Variants in CSMD1 observed in about 807,000 individuals in gnomAD.
CSMD1 encodes CUB and sushi domain-containing protein 1.
Under a neutral mutation model 417.5 loss-of-function variants are expected in CSMD1, and 213 were observed. The ratio of observed to expected loss-of-function variants is 0.51; its 90% confidence interval spans 0.46 to 0.57. The LOEUF is 0.57. Among genes scored for constraint, CSMD1 ranks in the 20% least tolerant of loss-of-function variants. CSMD1 has a pLI of 0.00. For synonymous variants in CSMD1, 2,862 were observed against 1,736.8 expected, an observed-to-expected ratio of 1.65 and a Z score of -16.11; for missense variants, 6,923 against 4,529.7, an observed-to-expected ratio of 1.53 and a Z score of -15.17.
intron 21 of CSMD1, among the ~76,000 whole-genome samples, chr8:3,358,790 C>T (rs1563308005): frequency 6.6e-6 from 1 of 152,116 alleles, no homozygotes; most frequent in Non-Finnish European, 1.5e-5. Context: ...ATGCAATTGT[C>T]AGAGGTTGTG....
chr8:3,599,470 G>A (rs925274587), intron 8 of CSMD1, among the ~76,000 whole-genome samples: 13 of 151,832 alleles, frequency 8.6e-5, no homozygotes, highest in African/African-American at 2.2e-4. Flanking sequence ...TAACCACAAC[G>A]CAGCATTAGT....
At chr8:3,179,910 T>A (rs1821209386) in intron 37 of CSMD1, among the ~76,000 whole-genome samples, 1 of 152,190 alleles carries the variant, frequency 6.6e-6, no homozygotes, top group African/African-American at 2.4e-5. Context: ...GCAGGAAAAT[T>A]TAACCAGAAT....
chr8:3,101,526 C>T (rs1352207063), intron 46 of CSMD1, among the ~76,000 whole-genome samples: 1 of 151,354 alleles, frequency 6.6e-6, no homozygotes, highest in Non-Finnish European at 1.5e-5. Flanking sequence ...GGGTTCACAC[C>T]ATTCTCCTGC....
At chr8:4,855,141 C>T (rs1475144008) in intron 1 of CSMD1, among the ~76,000 whole-genome samples, 1 of 151,352 alleles carries the variant, frequency 6.6e-6, no homozygotes, top group Non-Finnish European at 1.5e-5. Context: ...GAGGCACCCC[C>T]CAGCAGGGGC....
chr8:3,521,114 T>C (rs543576972), intron 10 of CSMD1, among the ~76,000 whole-genome samples: 5 of 152,288 alleles, frequency 3.3e-5, no homozygotes, highest in Admixed American at 6.5e-5. Context: ...TCCCACTTTC[T>C]ACCAGTCACC....
rs902185950 is a variant in CSMD1, at chr8:2,971,492, C to T, written c.8923+1625G>A. 5.3e-5 allele frequency among the ~76,000 whole-genome samples: 8 copies of T among 152,274 alleles called. No homozygotes were observed. The East Asian group carries it at 1.4e-3, about 26-fold the overall frequency. ...CTGCTTCAGGACTCGATTCAGGTTA[C>T]GCATTTCACTGGCAATACCATAGAA... is the stretch of plus-strand genomic sequence containing the variant. On this transcript the variant is annotated intron_variant, in intron 57 of 69. Coordinates refer to ENST00000635120, the MANE Select transcript of CSMD1 (RefSeq NM_033225.6).
At chr8:3,832,742 G>A (rs1294587196) in intron 5 of CSMD1, among the ~76,000 whole-genome samples, 1 of 152,084 alleles carries the variant, frequency 6.6e-6, no homozygotes, top group African/African-American at 2.4e-5. Context: ...GATGACTTCT[G>A]ATAACTAAAA....
chr8:3,825,314 G>A (rs778367667), intron 5 of CSMD1, among the ~76,000 whole-genome samples: 41 of 152,268 alleles, frequency 2.7e-4, no homozygotes, highest in Admixed American at 7.8e-4. Flanking sequence ...TGGATCGCTG[G>A]ATGTCAGGAG....
chr8:3,846,848 TATATTTAGTGC>T (rs1030664198), intron 5 of CSMD1, among the ~76,000 whole-genome samples: 3 of 152,100 alleles, frequency 2.0e-5, no homozygotes, highest in African/African-American at 7.2e-5. Context: ...TAATTTTTTG[TATATTTAGTGC>T]AGACAGGGTT....
chr8:3,665,955 G>A (rs1798670044), intron 7 of CSMD1, among the ~76,000 whole-genome samples: 1 of 152,082 alleles, frequency 6.6e-6, no homozygotes, highest in Non-Finnish European at 1.5e-5. Flanking sequence ...TCAGCTCACT[G>A]CAACCTCCAC....
chr8:3,185,468 T>C (rs921097714), intron 36 of CSMD1, among the ~76,000 whole-genome samples: 2 of 152,206 alleles, frequency 1.3e-5, no homozygotes, highest in Non-Finnish European at 2.9e-5. Context: ...AATGCCTGCA[T>C]TTGTGTGTAA....
intron 3 of CSMD1, among the ~76,000 whole-genome samples, chr8:4,387,644 A>G (rs760408231): frequency 6.6e-5 from 10 of 151,208 alleles, no homozygotes; most frequent in Non-Finnish European, 1.3e-4. Flanking sequence ...ACCATTTACA[A>G]TAATTAAAAA....
At chr8:4,583,310 T>G (rs948390054) in intron 2 of CSMD1, among the ~76,000 whole-genome samples, 13 of 152,206 alleles carry the variant, frequency 8.5e-5, no homozygotes, top group Non-Finnish European at 1.6e-4. Context: ...GGTGGGGCCT[T>G]GGAGAACCTT....
At chr8:4,271,156 A>G (rs771375476) in intron 3 of CSMD1, among the ~76,000 whole-genome samples, 3 of 152,150 alleles carry the variant, frequency 2.0e-5, no homozygotes, top group South Asian at 2.1e-4. Flanking sequence ...GTCACTACAG[A>G]TATCATTTGC....
chr8:3,291,271 T>C (rs1803536251), intron 25 of CSMD1, among the ~76,000 whole-genome samples: 1 of 152,188 alleles, frequency 6.6e-6, no homozygotes, highest in African/African-American at 2.4e-5. Context: ...ATAAGGGATA[T>C]TGGTCTAAAA....
intron 7 of CSMD1, among the ~76,000 whole-genome samples, chr8:3,634,407 G>A (rs1185724620): frequency 1.3e-5 from 2 of 152,196 alleles, no homozygotes; most frequent in Non-Finnish European, 2.9e-5. Context: ...TCTGTGGTCT[G>A]CAATCCTCTG....
chr8:4,029,036 C>A (rs2130556807), intron 4 of CSMD1, among the ~76,000 whole-genome samples: 1 of 152,246 alleles, frequency 6.6e-6, no homozygotes, highest in South Asian at 2.1e-4. Context: ...CACTAACTTA[C>A]AATCACCTTA....
At chr8:4,655,635 G>C (rs964355087) in intron 1 of CSMD1, among the ~76,000 whole-genome samples, 1 of 151,998 alleles carries the variant, frequency 6.6e-6, no homozygotes, top group African/African-American at 2.4e-5. Context: ...GAAGAACATA[G>C]CATGTAATCA....
At chr8:3,306,399 A>G (rs1804849719) in intron 25 of CSMD1, among the ~76,000 whole-genome samples, 2 of 151,944 alleles carry the variant, frequency 1.3e-5, no homozygotes, top group African/African-American at 4.8e-5. Flanking sequence ...ATCTCGAACT[A>G]CTGATCTTAA....
Sources: allele counts gnomAD v4.1 joint callset (sites outside exome capture counted in the v4.1 genomes callset), GRCh38; gene constraint gnomAD v4.1.1; transcripts MANE v1.5; gene names NCBI Gene and HGNC (gene_info 2026-07-23, HGNC 2026-07-21).